ABCA12: variants seen among roughly 807,000 people sequenced by gnomAD.
ABCA12 encodes ATP binding cassette subfamily A member 12.
In ABCA12, 156 loss-of-function variants were observed where a neutral mutation model predicts 293.5. The ratio of observed to expected loss-of-function variants is 0.53; its 90% CI spans 0.47 to 0.61. The LOEUF is 0.61. Ranked by LOEUF, ABCA12 falls within the 20% of genes least tolerant of loss-of-function variation. The pLI is 0.00. For missense variants in ABCA12, 2,797 were observed against 3,090.2 expected, an observed-to-expected ratio of 0.91 and a Z score of 2.25; for synonymous variants, 1,063 against 1,108.0, an observed-to-expected ratio of 0.96 and a Z score of 0.81.
chr2:215,052,626 C>A, intron 4 of ABCA12, 42 bp from the exon 5 acceptor site: 20 of 1,444,730 alleles, frequency 1.4e-5, no homozygotes, highest in Non-Finnish European at 1.9e-5. Context: ...CACACACACA[C>A]ACACAAATGC....
At chr2:214,968,842 G>C (rs1279271971) in intron 37 of ABCA12, 35 bp from the exon 38 acceptor site, 2 of 1,587,094 alleles carry the variant, frequency 1.3e-6, no homozygotes, top group Non-Finnish European at 1.7e-6. Flanking sequence ...CTTTGGTTTA[G>C]TGGAGAAAAT....
At chr2:215,055,220 G>A (rs1203482962) in intron 3 of ABCA12, among the ~76,000 whole-genome samples, 1 of 151,966 alleles carries the variant, frequency 6.6e-6, no homozygotes, top group Non-Finnish European at 1.5e-5. Context: ...AGTATAAAAG[G>A]AATAACATTA....
intron 2 of ABCA12, among the ~76,000 whole-genome samples, chr2:215,092,111 G>A (rs890358852): frequency 3.9e-5 from 6 of 152,154 alleles, no homozygotes; most frequent in South Asian, 2.1e-4. Context: ...CATCACAGAC[G>A]TTTTTGGTAA....
chr2:215,003,495 G>A (rs1336370855), intron 20 of ABCA12, among the ~76,000 whole-genome samples: 2 of 151,828 alleles, frequency 1.3e-5, no homozygotes, highest in Admixed American at 6.6e-5. Context: ...GTGATACTGA[G>A]GCCAGTGGAG....
At position 215,019,433 on chromosome 2, in the gene ABCA12, T is replaced by C. The variant is rs1700576295; in HGVS notation, c.1560A>G (p.Ala520=). 6.2e-7 allele frequency: 1 copy of C among 1,613,952 alleles called. No individual in the cohort carries two copies. Among genetic ancestry groups the C allele is most frequent in the African/African-American group, 1.3e-5 (1 of 75,048 alleles). The stretch of plus-strand genomic sequence containing the variant: ...TATTTTCCAAGTAATTCATTTGCAG[T>C]GCCTGTTCTAGAAACCTGGAACAAA... The part of the protein sequence containing the change: ...NLNMDQFLEQ[A]LQMNYLENIT... Residue 520 remains alanine (A), a synonymous_variant, in exon 13 of 53, where the codon GCA becomes GCG. Transcript: ENST00000272895.
At chr2:215,098,312 T>C (rs901603883) in intron 2 of ABCA12, among the ~76,000 whole-genome samples, 1 of 152,330 alleles carries the variant, frequency 6.6e-6, no homozygotes, top group African/African-American at 2.4e-5. Flanking sequence ...TGGTAGGAAG[T>C]TCATTTGCCA....
intron 2 of ABCA12, among the ~76,000 whole-genome samples, chr2:215,093,619 C>T (rs943355836): frequency 4.6e-5 from 7 of 152,194 alleles, no homozygotes; most frequent in African/African-American, 1.2e-4. Context: ...CGGCAGCTGC[C>T]GCTGCTTTAA....
chr2:214,980,445 A>G, intron 31 of ABCA12, 38 bp downstream of exon 31: 1 of 1,611,652 alleles, frequency 6.2e-7, no homozygotes, highest in South Asian at 1.1e-5. Context: ...AACTTAATTT[A>G]TGGTGCCATA....
At chr2:215,125,016 C>T (rs1702892745) in intron 1 of ABCA12, among the ~76,000 whole-genome samples, 1 of 152,178 alleles carries the variant, frequency 6.6e-6, no homozygotes, top group African/African-American at 2.4e-5. Flanking sequence ...CATCCTCCTA[C>T]ATGTGGCTAG....
intron 18 of ABCA12, among the ~76,000 whole-genome samples, chr2:215,008,134 T>A (rs1700293471): frequency 6.6e-6 from 1 of 152,198 alleles, no homozygotes; most frequent in Non-Finnish European, 1.5e-5. Flanking sequence ...TACCAGTTTT[T>A]CATTTTCACC....
At chr2:215,054,733 T>C in intron 3 of ABCA12, 69 bp from the exon 4 acceptor site, 1 of 1,230,724 alleles carries the variant, frequency 8.1e-7, no homozygotes, top group South Asian at 1.2e-5. Context: ...ATGTATTATG[T>C]GGCAGATTCC....
chr2:215,129,660 A>G (rs181760534), intron 1 of ABCA12, among the ~76,000 whole-genome samples: 3 of 152,140 alleles, frequency 2.0e-5, no homozygotes, highest in Non-Finnish European at 4.4e-5. Context: ...TTGGTAAATA[A>G]TTTCTCCCAT....
At chr2:214,967,371 C>T (rs944109938) in intron 38 of ABCA12, among the ~76,000 whole-genome samples, 11 of 152,032 alleles carry the variant, frequency 7.2e-5, no homozygotes, top group Non-Finnish European at 1.5e-4. Context: ...TACATATACA[C>T]GCATGGTGTC....
rs1277281906 is a variant in ABCA12, at chr2:215,070,740, AAGAG to A, written c.164-6525_164-6522del. On this transcript the variant is annotated intron_variant, in intron 2 of 52. Coordinates refer to ENST00000272895, the MANE Select transcript of ABCA12 (RefSeq NM_173076.3). ...TGGGTTATTATGGAAAGACAGAAAA[AAGAG>A]AGAGTATGTGAATCTGGTTTACAAG... 4.6e-5 allele frequency among the ~76,000 whole-genome samples: 7 copies of A among 152,188 alleles called. No individual in the cohort carries two copies. In the Middle Eastern group the frequency reaches 0.017, roughly 370 times the overall value.
Position 215,011,982 on chromosome 2 carries a change from G to T in ABCA12, c.2110C>A (p.Pro704Thr), listed in dbSNP as rs769445151. 6.2e-7 allele frequency: 1 copy of T among 1,613,558 alleles called. No homozygotes were observed. The highest frequency in any genetic ancestry group is 1.7e-5 in the Admixed American group (1 of 59,968). The change falls in exon 16 of 53, where the codon CCA becomes ACA. Residue 704 changes from proline (P) to threonine (T), a missense_variant. Coordinates refer to ENST00000272895, the MANE Select transcript of ABCA12 (RefSeq NM_173076.3). Reference sequence around the variant, plus strand: ...GGTGACTTTGCTACCTGTGTTAATGGAACACTTCTGGGCAGATGCATTTGC... The same window carrying T: ...GGTGACTTTGCTACCTGTGTTAATGTAACACTTCTGGGCAGATGCATTTGC... ...LKQMHLPRSV[P>T]LTQAMYRSNR...
intron 47 of ABCA12, chr2:214,947,965 CT>C: frequency 3.9e-6 from 1 of 254,030 alleles, no homozygotes. Flanking sequence ...GTCACAAAGG[CT>C]TTCAATCTAT....
intron 1 of ABCA12, among the ~76,000 whole-genome samples, chr2:215,121,795 A>T (rs1702810114): frequency 6.6e-6 from 1 of 152,172 alleles, no homozygotes; most frequent in South Asian, 2.1e-4. Context: ...TGATGGTTTT[A>T]TAAATGGGAC....
chr2:214,969,605 C>A (rs1699341512), intron 37 of ABCA12, among the ~76,000 whole-genome samples: 1 of 152,000 alleles, frequency 6.6e-6, no homozygotes, highest in Non-Finnish European at 1.5e-5. Context: ...ACATGTATAT[C>A]TGTGACAAAC....
At chr2:214,981,957 A>ATTTTT (rs1699670492) in intron 30 of ABCA12, among the ~76,000 whole-genome samples, 1 of 123,956 alleles carries the variant, frequency 8.1e-6, no homozygotes, top group African/African-American at 3.2e-5. Context: ...TATTATTATT[A>ATTTTT]TTATTATTAT....
Sources: gnomAD v4.1 joint callset for allele counts (sites outside exome capture counted in the v4.1 genomes callset) on GRCh38, gnomAD v4.1.1 for gene constraint, MANE v1.5 for transcripts, NCBI Gene and HGNC (gene_info 2026-07-23, HGNC 2026-07-21) for gene names.